The following TAFA1 variants were observed in gnomAD, a reference collection of about 807,000 sequenced individuals.
The protein encoded by TAFA1 is TAFA chemokine like family member 1.
In TAFA1, 4 loss-of-function variants were observed where a neutral mutation model predicts 18.5. That is an observed-to-expected ratio of 0.22 (90% CI 0.11 to 0.49). The LOEUF is 0.49. Among genes scored for constraint, TAFA1 ranks in the 20% least tolerant of loss-of-function variants. The pLI is 0.98. For synonymous variants in TAFA1, 56 were observed against 55.2 expected (o/e 1.01, Z -0.06); for missense variants, 147 against 169.0 (o/e 0.87, Z 0.72).
intron 2 of TAFA1, among the ~76,000 whole-genome samples, chr3:68,362,999 T>TTTTTTA (rs61358791): frequency 6.7e-6 from 1 of 149,380 alleles, no homozygotes; most frequent in African/African-American, 2.5e-5. Context: ...TTTTTTTTTT[T>TTTTTTA]AAATACAGTT....
intron 2 of TAFA1, among the ~76,000 whole-genome samples, chr3:68,297,979 A>G (rs2068239875): frequency 6.6e-6 from 1 of 152,190 alleles, no homozygotes; most frequent in Non-Finnish European, 1.5e-5. Context: ...CTTGCAATTG[A>G]TTTAATTTAT....
At chr3:68,323,855 T>TATC (rs2068731776) in intron 2 of TAFA1, among the ~76,000 whole-genome samples, 1 of 152,158 alleles carries the variant, frequency 6.6e-6, no homozygotes, top group Non-Finnish European at 1.5e-5. Context: ...GTGTTCCACG[T>TATC]TGGGAGGGCA....
At chr3:68,480,828 A>G (rs2072220892) in intron 3 of TAFA1, among the ~76,000 whole-genome samples, 1 of 152,100 alleles carries the variant, frequency 6.6e-6, no homozygotes, top group Non-Finnish European at 1.5e-5. Context: ...CATAATTCCC[A>G]TATGTTGTGG....
chr3:68,318,319 T>C (rs528631226), intron 2 of TAFA1, among the ~76,000 whole-genome samples: 1 of 152,140 alleles, frequency 6.6e-6, no homozygotes, highest in African/African-American at 2.4e-5. Context: ...TCTTTGATGA[T>C]TGAGTTTTAT....
intron 2 of TAFA1, among the ~76,000 whole-genome samples, chr3:68,349,153 A>C (rs975786701): frequency 9.9e-5 from 15 of 151,752 alleles, no homozygotes; most frequent in African/African-American, 3.6e-4. Context: ...TTTGAGATCA[A>C]TTCTCCTACC....
chr3:68,128,785 G>A (rs1426394669), intron 2 of TAFA1, among the ~76,000 whole-genome samples: 1 of 152,076 alleles, frequency 6.6e-6, no homozygotes, highest in Non-Finnish European at 1.5e-5. Flanking sequence ...TATTACTCAG[G>A]CTCAGCGAGT....
intron 3 of TAFA1, among the ~76,000 whole-genome samples, chr3:68,456,790 C>A (rs1387401588): frequency 6.6e-6 from 1 of 152,046 alleles, no homozygotes; most frequent in Non-Finnish European, 1.5e-5. Flanking sequence ...TTTCTTTTTT[C>A]TTTTTTTACA....
rs2066690385 is a variant in TAFA1 at position 68,218,530 on chromosome 3, T to C, written c.119-198750T>C. ...CCATTGTGTCTTTATATCTCATATC[T>C]TTATGTCTGTTTGTATTTCATACCT... On this transcript the variant is annotated intron_variant, in intron 2 of 4. Coordinates refer to ENST00000478136, the MANE Select transcript of TAFA1 (RefSeq NM_213609.4). 2.6e-5 allele frequency among the ~76,000 whole-genome samples: 4 copies of C among 152,100 alleles called. No homozygotes were observed. The South Asian group carries it at 8.3e-4, about 31-fold the overall frequency.
At chr3:68,297,919 T>C (rs1208221164) in intron 2 of TAFA1, among the ~76,000 whole-genome samples, 1 of 152,200 alleles carries the variant, frequency 6.6e-6, no homozygotes, top group East Asian at 1.9e-4. Flanking sequence ...AATAGTGCTA[T>C]ATTTATCTTG....
chr3:68,198,947 C>G (rs984123901), intron 2 of TAFA1, among the ~76,000 whole-genome samples: 2 of 151,436 alleles, frequency 1.3e-5, no homozygotes, highest in Non-Finnish European at 3.0e-5. Context: ...AATCACCAAA[C>G]CCAAGGTCAT....
At chr3:68,089,089 C>T (rs544494989) in intron 2 of TAFA1, among the ~76,000 whole-genome samples, 43 of 152,114 alleles carry the variant, frequency 2.8e-4, no homozygotes, top group African/African-American at 7.7e-4. Context: ...TGGTTTTGCA[C>T]GTGCTATGCT....
chr3:68,200,454 T>C (rs1003872368), intron 2 of TAFA1, among the ~76,000 whole-genome samples: 6 of 151,638 alleles, frequency 4.0e-5, no homozygotes, highest in East Asian at 3.9e-4. Flanking sequence ...GGTGAACCCA[T>C]TGAAGCCTGG....
chr3:68,488,358 C>T lies in TAFA1; in HGVS notation c.260-50398C>T, dbSNP rs142797425. Among the ~76,000 whole-genome samples, 1,207 of 152,304 alleles carry T rather than the reference C, an allele frequency of 7.9e-3. 15 individuals are homozygous for T. Among genetic ancestry groups the T allele is most frequent in the African/African-American group, 0.027 (1,119 of 41,564 alleles). ...GCTTTTATTCTAGCCACGCTGGCAG[C>T]TGATTAGATGGTGCCCACTCAGATT... On this transcript the variant is annotated intron_variant, in intron 3 of 4. Coordinates refer to ENST00000478136, the MANE Select transcript of TAFA1 (RefSeq NM_213609.4).
At chr3:68,301,993 A>T (rs2068309729) in intron 2 of TAFA1, among the ~76,000 whole-genome samples, 1 of 152,180 alleles carries the variant, frequency 6.6e-6, no homozygotes, top group Non-Finnish European at 1.5e-5. Context: ...AGTTCATTTT[A>T]TCCTAGTTCT....
chr3:68,164,664 A>T (rs372055200), intron 2 of TAFA1, among the ~76,000 whole-genome samples: 1,740 of 52,218 alleles, frequency 0.033, 32 homozygotes, highest in African/African-American at 0.078. Context: ...TGTGTGTGGG[A>T]GGTAGTTACA....
At chr3:68,349,563 C>T (rs1290471592) in intron 2 of TAFA1, among the ~76,000 whole-genome samples, 2 of 151,962 alleles carry the variant, frequency 1.3e-5, no homozygotes, top group African/African-American at 2.4e-5. Flanking sequence ...TTTAAAATTT[C>T]ATAGGAAAAA....
intron 2 of TAFA1, among the ~76,000 whole-genome samples, chr3:68,267,942 T>C (rs1045569441): frequency 1.3e-5 from 2 of 152,174 alleles, no homozygotes; most frequent in South Asian, 2.1e-4. Flanking sequence ...AAATACAAAC[T>C]GGCAAAGATA....
At chr3:68,125,011 T>C (rs1462954099) in intron 2 of TAFA1, among the ~76,000 whole-genome samples, 1 of 152,232 alleles carries the variant, frequency 6.6e-6, no homozygotes, top group Non-Finnish European at 1.5e-5. Flanking sequence ...GAGACTCTTG[T>C]AATACCTGAA....
At chr3:68,178,187 C>A (rs1265025486) in intron 2 of TAFA1, among the ~76,000 whole-genome samples, 2 of 152,054 alleles carry the variant, frequency 1.3e-5, no homozygotes, top group Non-Finnish European at 2.9e-5. Flanking sequence ...AGCACCATAC[C>A]TGGTATATGG....
Sources: gnomAD v4.1 joint callset for allele counts (sites outside exome capture counted in the v4.1 genomes callset) on GRCh38, gnomAD v4.1.1 for gene constraint, MANE v1.5 for transcripts, NCBI Gene and HGNC (gene_info 2026-07-23, HGNC 2026-07-21) for gene names.